POC1B: variants seen among roughly 807,000 people sequenced by gnomAD.
The protein encoded by POC1B is POC1 centriolar protein B, also known as POC1 centriolar protein homolog B.
Under a neutral mutation model 60.6 loss-of-function variants are expected in POC1B, and 44 were observed. The ratio of observed to expected loss-of-function variants is 0.73; its 90% CI spans 0.57 to 0.93. The LOEUF (loss-of-function observed/expected upper bound fraction) is 0.93. Among genes scored for constraint, POC1B ranks in the 40% least tolerant of loss-of-function variants. The pLI is 0.00. For missense variants in POC1B, 555 were observed against 572.3 expected (o/e 0.97, Z 0.31); for synonymous variants, 180 against 198.9 (o/e 0.90, Z 0.80).
chr12:89,523,198 C>G (rs572564986), intron 2 of POC1B: 1 of 1,613,978 alleles, frequency 6.2e-7, no homozygotes, highest in Admixed American at 1.7e-5. Flanking sequence ...CGAGATCCCT[C>G]TACTGCGAAT....
intron 2 of POC1B, among the ~76,000 whole-genome samples, chr12:89,513,053 A>G (rs1377770340): frequency 6.6e-6 from 1 of 152,206 alleles, no homozygotes; most frequent in Non-Finnish European, 1.5e-5. Flanking sequence ...CTGGGAATAT[A>G]AATTTTTGAC....
intron 9 of POC1B, among the ~76,000 whole-genome samples, chr12:89,460,414 A>C (rs1882442799): frequency 6.6e-6 from 1 of 152,236 alleles, no homozygotes; most frequent in African/African-American, 2.4e-5. Context: ...TATGGAAAAT[A>C]AATATATTCA....
intron 4 of POC1B, among the ~76,000 whole-genome samples, chr12:89,484,433 C>A (rs1868530265): frequency 6.6e-6 from 1 of 152,194 alleles, no homozygotes; most frequent in South Asian, 2.1e-4. Flanking sequence ...ATATTAGCAA[C>A]CCCCAAAACT....
rs911868097 is a variant in POC1B at position 89,500,235 on chromosome 12, C to T, written c.101-2893G>A. On this transcript the variant is annotated intron_variant, in intron 2 of 11. Coordinates refer to ENST00000313546, the MANE Select transcript of POC1B (RefSeq NM_172240.3). ...GACTGTTTTGAAGAAAAAAGTCTTG[C>T]CAATGATTTTAGCACAAATTCTACA... 6.4e-6 allele frequency: 10 copies of T among 1,574,624 alleles called. No homozygotes were observed. The Admixed American group carries it at 1.8e-4, about 28-fold the overall frequency.
the POC1B span, among the ~76,000 whole-genome samples, chr12:89,405,450 C>T: frequency 6.6e-6 from 1 of 152,016 alleles, no homozygotes; most frequent in Non-Finnish European, 1.5e-5. Context: ...CAAGACCAGC[C>T]TGGCCAACGT....
At chr12:89,502,387 G>T (rs1287656165) in intron 2 of POC1B, 1 of 1,578,366 alleles carries the variant, frequency 6.3e-7, no homozygotes, top group Non-Finnish European at 8.7e-7. Context: ...AGATTATCAA[G>T]GAAGGCCATC....
chr12:89,469,952 C>T (rs1882824802), intron 7 of POC1B, among the ~76,000 whole-genome samples: 1 of 152,056 alleles, frequency 6.6e-6, no homozygotes, highest in Non-Finnish European at 1.5e-5. Context: ...ACTGCAGCCT[C>T]CCCCTCCTGG....
intron 10 of POC1B, among the ~76,000 whole-genome samples, chr12:89,451,184 TAAAAC>T (rs1158297414): frequency 2.0e-5 from 3 of 152,140 alleles, no homozygotes; most frequent in African/African-American, 7.2e-5. Flanking sequence ...CCCTTCAACT[TAAAAC>T]AAACAACTCT....
chr12:89,408,366 C>T, the POC1B span, among the ~76,000 whole-genome samples: 1 of 152,134 alleles, frequency 6.6e-6, no homozygotes, highest in Non-Finnish European at 1.5e-5. Context: ...GTTCTAGTTC[C>T]TTGAGGAATC....
rs1395839216 is a variant in POC1B at position 89,421,145 on chromosome 12, T to C, written c.*8A>G. 2 of 1,572,330 alleles carry C rather than the reference T, an allele frequency of 1.3e-6. No homozygotes were observed. Among genetic ancestry groups the C allele is most frequent in the South Asian group, 2.3e-5 (2 of 88,190 alleles). ...CCTCTGCCCAACAAATGAAAATGAA[T>C]TTTTTATTCAGCTTTTCTGTTGGAC... On this transcript the variant is annotated 3_prime_UTR_variant, in exon 12 of 12. Transcript: ENST00000313546.
intron 2 of POC1B, chr12:89,523,740 T>C (rs1194032437): frequency 1.3e-6 from 2 of 1,546,836 alleles, no homozygotes; most frequent in Non-Finnish European, 1.7e-6. Flanking sequence ...TGGGCTCCCC[T>C]ATCTGCATAT....
intron 2 of POC1B, among the ~76,000 whole-genome samples, chr12:89,514,402 CTTTTTTTTTTTT>C (rs60679774): frequency 4.5e-5 from 3 of 67,088 alleles, no homozygotes; most frequent in Non-Finnish European, 7.8e-5. Flanking sequence ...TCATGTATTT[CTTTTTTTTTTTT>C]TTTTTTTTTT....
intron 2 of POC1B, among the ~76,000 whole-genome samples, chr12:89,504,473 G>GC (rs1225402072): frequency 6.6e-6 from 1 of 152,036 alleles, no homozygotes; most frequent in Non-Finnish European, 1.5e-5. Flanking sequence ...ACTGCGGAAG[G>GC]CCGCAGGGTC....
intron 10 of POC1B, among the ~76,000 whole-genome samples, chr12:89,437,875 C>T (rs1881337963): frequency 6.6e-6 from 1 of 151,138 alleles, no homozygotes; most frequent in African/African-American, 2.4e-5. Context: ...TGGTGAAACC[C>T]CATCTCGACT....
At chr12:89,484,549 T>C (rs557101020) in intron 4 of POC1B, among the ~76,000 whole-genome samples, 1 of 152,348 alleles carries the variant, frequency 6.6e-6, no homozygotes, top group South Asian at 2.1e-4. Flanking sequence ...CTGACATTAA[T>C]TGGCACTTTA....
At chr12:89,447,960 T>C (rs533020036) in intron 10 of POC1B, among the ~76,000 whole-genome samples, 8 of 152,066 alleles carry the variant, frequency 5.3e-5, no homozygotes, top group African/African-American at 1.9e-4. Context: ...CCTGGAACTA[T>C]AGATAACGCA....
intron 10 of POC1B, among the ~76,000 whole-genome samples, chr12:89,449,999 G>C (rs957205034): frequency 1.3e-5 from 2 of 151,966 alleles, no homozygotes; most frequent in African/African-American, 4.8e-5. Context: ...GGATTTTAAG[G>C]TTTTATCATT....
chr12:89,445,222 C>A (rs545478312), intron 10 of POC1B, among the ~76,000 whole-genome samples: 10 of 152,158 alleles, frequency 6.6e-5, no homozygotes, highest in Non-Finnish European at 1.3e-4. Context: ...TATCAAGCTA[C>A]CAATGACTTT....
chr12:89,486,474 T>C (rs751434567), intron 4 of POC1B, among the ~76,000 whole-genome samples: 18 of 152,134 alleles, frequency 1.2e-4, no homozygotes, highest in Admixed American at 2.6e-4. Flanking sequence ...GAGACTTGTC[T>C]GGCTGCAAGA....
Sources: gnomAD v4.1 joint callset for allele counts (sites outside exome capture counted in the v4.1 genomes callset) on GRCh38, gnomAD v4.1.1 for gene constraint, MANE v1.5 for transcripts, NCBI Gene and HGNC (gene_info 2026-07-23, HGNC 2026-07-21) for gene names.